NDUFA12: variants seen among roughly 807,000 people sequenced by gnomAD.
NDUFA12 encodes the protein NADH dehydrogenase [ubiquinone] 1 alpha subcomplex subunit 12.
NDUFA12 carries 17 observed loss-of-function variants against 20.3 expected under a neutral mutation model. The ratio of observed to expected loss-of-function variants is 0.84; its 90% CI spans 0.57 to 1.26. The LOEUF is 1.26. Ranked by LOEUF, NDUFA12 falls within the 50% of genes most tolerant of loss-of-function variation. The probability of loss-of-function intolerance (pLI) is 0.00; values close to 1 mark genes in which losing one functional copy is unlikely to be tolerated. For missense variants in NDUFA12, 191 were observed against 183.7 expected, an observed-to-expected ratio of 1.04 and a Z score of -0.23; for synonymous variants, 72 against 63.6, an observed-to-expected ratio of 1.13 and a Z score of -0.63.
chr12:94,971,758 C>G, intron 3 of NDUFA12, 138 bp from the exon 4 acceptor site: 1 of 950,470 alleles, frequency 1.1e-6, no homozygotes, highest in Non-Finnish European at 1.7e-6. Context: ...CTGAATTCTT[C>G]TATGCCTTAG....
rs555914831 is a variant in NDUFA12 at position 94,999,695 on chromosome 12, TACAA to T, written c.169+3040_169+3043del. On this transcript the variant is annotated intron_variant, in intron 2 of 3. Transcript: ENST00000327772. The stretch of plus-strand genomic sequence containing the variant: ...AACAGACAATTCTCAAAAGAAGATA[TACAA>T]ACAGTCAACAAACCTATGAAAAAAA... 1.6e-3 allele frequency among the ~76,000 whole-genome samples: 236 copies of T among 152,188 alleles called. 2 individuals are homozygous for T. Among genetic ancestry groups the T allele is most frequent in the African/African-American group, 5.4e-3 (224 of 41,528 alleles).
chr12:95,001,535 G>A (rs1231612783), intron 2 of NDUFA12, among the ~76,000 whole-genome samples: 1 of 152,038 alleles, frequency 6.6e-6, no homozygotes, highest in Non-Finnish European at 1.5e-5. Flanking sequence ...GGCTGAGGTA[G>A]GAGGACAGCT....
intron 3 of NDUFA12, among the ~76,000 whole-genome samples, chr12:94,981,269 A>AATACATACATACATAC (rs10685216): frequency 1.0e-4 from 15 of 149,092 alleles, no homozygotes; most frequent in African/African-American, 2.2e-4. Flanking sequence ...GTCTCTACTA[A>AATACATACATACATAC]ATACATACAT....
chr12:94,994,575 G>A (rs1565818586), intron 2 of NDUFA12, among the ~76,000 whole-genome samples: 1 of 152,328 alleles, frequency 6.6e-6, no homozygotes, highest in East Asian at 1.9e-4. Context: ...ATAGGAAAGT[G>A]TGTTCCCAGA....
In NDUFA12 at chr12:95,003,693, G is replaced by T; in HGVS notation, c.-13C>A. On this transcript the variant is annotated 5_prime_UTR_variant, in exon 1 of 4. Coordinates refer to ENST00000327772, the MANE Select transcript of NDUFA12 (RefSeq NM_018838.5). ...GCACTAACTCCATCTTGCCTCGCTG[G>T]CCCCGCCTCCCGGGTGCGCCGAGCA... 6.2e-7 allele frequency: 1 copy of T among 1,613,926 alleles called. No homozygotes were observed. The highest frequency in any genetic ancestry group is 8.5e-7 in the Non-Finnish European group (1 of 1,179,964).
In NDUFA12 at chr12:95,002,511, GTT is replaced by G. The variant is rs1419730028; in HGVS notation, c.169+226_169+227del. Among the ~76,000 whole-genome samples, 4 of 149,350 alleles carry G rather than the reference GTT, an allele frequency of 2.7e-5. No individual in the cohort carries two copies. The East Asian group carries it at 7.8e-4, about 29-fold the overall frequency. On this transcript the variant is annotated intron_variant, in intron 2 of 3. Coordinates refer to ENST00000327772, the MANE Select transcript of NDUFA12 (RefSeq NM_018838.5). ...TGATAGGTGAAAAATATATAACACT[GTT>G]TTTAAAGTTGCATTTCTGTTGTTAC...
intron 3 of NDUFA12, chr12:94,972,604 C>T: frequency 2.9e-6 from 1 of 340,086 alleles, no homozygotes; most frequent in Non-Finnish European, 6.2e-6. Flanking sequence ...TGGCTCATGT[C>T]TATAATCCCA....
intron 3 of NDUFA12, among the ~76,000 whole-genome samples, chr12:94,972,982 G>A (rs867521286): frequency 6.6e-6 from 1 of 151,632 alleles, no homozygotes; most frequent in Non-Finnish European, 1.5e-5. Context: ...ACCTTATTGG[G>A]GGAAAAGAAA....
At chr12:94,973,033 G>A (rs1444611009) in intron 3 of NDUFA12, among the ~76,000 whole-genome samples, 1 of 151,902 alleles carries the variant, frequency 6.6e-6, no homozygotes. Context: ...GGGGTGGGGG[G>A]AAAAGTGATT....
intron 2 of NDUFA12, among the ~76,000 whole-genome samples, chr12:95,002,313 C>T (rs576422973): frequency 6.6e-6 from 1 of 151,600 alleles, no homozygotes; most frequent in East Asian, 2.0e-4. Flanking sequence ...TGGTGGCGCC[C>T]GCCTGTGGTC....
chr12:94,994,766 T>C (rs912002770), intron 2 of NDUFA12, among the ~76,000 whole-genome samples: 1 of 152,330 alleles, frequency 6.6e-6, no homozygotes, highest in Admixed American at 6.5e-5. Flanking sequence ...GTTAGGTACA[T>C]AGGACAGCTC....
intron 2 of NDUFA12, among the ~76,000 whole-genome samples, chr12:94,997,806 A>AAACT (rs149843777): frequency 6.6e-6 from 1 of 152,106 alleles, no homozygotes; most frequent in African/African-American, 2.4e-5. Flanking sequence ...AGGGATACTC[A>AAACT]AACTGTAAAA....
intron 3 of NDUFA12, among the ~76,000 whole-genome samples, chr12:94,980,927 G>A (rs770964259): frequency 3.3e-5 from 5 of 151,768 alleles, no homozygotes; most frequent in Admixed American, 6.6e-5. Context: ...TTATACAGCC[G>A]TGCATGAAAT....
chr12:94,993,701 G>A lies in NDUFA12; in HGVS notation c.257+469C>T, dbSNP rs182780621. On this transcript the variant is annotated intron_variant, in intron 3 of 3. Transcript: ENST00000327772. ...TGTAATCCCAGCACTTTGGGAGGCC[G>A]AGGTGGATGGATCACCTGAGGTCAG... is the stretch of plus-strand genomic sequence containing the variant. Among the ~76,000 whole-genome samples the A allele has an allele frequency of 1.3e-4, 19 of 146,040 alleles. No homozygotes were observed. In the South Asian group the frequency reaches 1.5e-3, roughly 12 times the overall value.
intron 3 of NDUFA12, among the ~76,000 whole-genome samples, chr12:94,978,050 C>T (rs1874114624): frequency 6.6e-6 from 1 of 152,120 alleles, no homozygotes; most frequent in South Asian, 2.1e-4. Flanking sequence ...GCAAGAAGGC[C>T]AATGTGGCCA....
intron 3 of NDUFA12, among the ~76,000 whole-genome samples, chr12:94,987,988 C>T (rs1874511423): frequency 1.3e-5 from 2 of 152,044 alleles, no homozygotes; most frequent in Admixed American, 1.3e-4. Flanking sequence ...GTTAAATTAA[C>T]TTTTATCTTC....
rs71075895 is a variant in NDUFA12 at position 95,002,437 on chromosome 12, CAAAAAA to C, written c.169+296_169+301del. ...AGCCTGGCCGACAGAGACTCCATCT[CAAAAAA>C]AAAAAAAAAAAAAAAAAAAAAGAAC... is the stretch of plus-strand genomic sequence containing the variant. On this transcript the variant is annotated intron_variant, in intron 2 of 3. Transcript: ENST00000327772. Among the ~76,000 whole-genome samples the C allele has an allele frequency of 1.4e-4, 9 of 63,626 alleles. No homozygotes were observed. The East Asian group carries it at 2.6e-3, about 19-fold the overall frequency. The allele number at this position is 63,626 out of a possible 152,430, so 41.7% of individuals were successfully genotyped here.
At chr12:94,977,073 T>C (rs909313066) in intron 3 of NDUFA12, among the ~76,000 whole-genome samples, 1 of 152,242 alleles carries the variant, frequency 6.6e-6, no homozygotes, top group Non-Finnish European at 1.5e-5. Flanking sequence ...GTTTGTAGTT[T>C]CTTAGAACAC....
At chr12:94,988,717 A>T (rs1874534889) in intron 3 of NDUFA12, among the ~76,000 whole-genome samples, 1 of 152,166 alleles carries the variant, frequency 6.6e-6, no homozygotes, top group Non-Finnish European at 1.5e-5. Flanking sequence ...ACTATGTAGC[A>T]GTTACATCAG....
Sources: allele counts gnomAD v4.1 joint callset (sites outside exome capture counted in the v4.1 genomes callset), GRCh38; gene constraint gnomAD v4.1.1; transcripts MANE v1.5; gene names NCBI Gene and HGNC (gene_info 2026-07-23, HGNC 2026-07-21).